The following TFB1M variants were observed in gnomAD, a reference collection of about 807,000 sequenced individuals.
TFB1M encodes the protein dimethyladenosine transferase 1, mitochondrial.
A neutral mutation model predicts 31.1 loss-of-function variants in TFB1M; 27 were observed. The ratio of observed to expected loss-of-function variants is 0.87; its 90% CI spans 0.64 to 1.20. The LOEUF is 1.20. TFB1M is among the 50% of genes most tolerant of loss of function. The pLI, the probability that TFB1M is intolerant of heterozygous loss-of-function variation, is 0.00. For missense variants in TFB1M, 394 were observed against 418.7 expected, an observed-to-expected ratio of 0.94 and a Z score of 0.51; for synonymous variants, 166 against 151.8, an observed-to-expected ratio of 1.09 and a Z score of -0.69.
At chr6:155,266,199 A>T (rs899062962) in intron 5 of TFB1M, among the ~76,000 whole-genome samples, 13 of 152,076 alleles carry the variant, frequency 8.5e-5, no homozygotes, top group Admixed American at 1.3e-4. Flanking sequence ...CATTTTTTTT[A>T]AAATTCAGAA....
chr6:155,252,978 A>G (rs141401040), downstream of TFB1M: 15 of 1,613,804 alleles, frequency 9.3e-6, no homozygotes, highest in Non-Finnish European at 1.3e-5. Context: ...ACACAACTCT[A>G]CTGACTTGGA....
intron 2 of TFB1M, among the ~76,000 whole-genome samples, chr6:155,301,550 A>C (rs2114789871): frequency 6.6e-6 from 1 of 152,342 alleles, no homozygotes; most frequent in East Asian, 1.9e-4. Context: ...TTTTCACAGA[A>C]TGTGCTTAAA....
Position 155,297,105 on chromosome 6 carries a change from C to A in TFB1M, c.395-1G>T. 1 of 1,613,132 alleles carries A rather than the reference C, an allele frequency of 6.2e-7. No homozygotes were observed. The highest frequency in any genetic ancestry group is 1.1e-5 in the South Asian group (1 of 91,060). ...CCAATAATATGTACATTTGGAGGAT[C>A]TGGTGGCAGAGGAAAAAACAACCTG... On this transcript the variant is annotated splice_acceptor_variant, in intron 3 of 6. Transcript: ENST00000367166. LOFTEE classifies it high-confidence loss of function.
At chr6:155,248,149 C>G in the TFB1M span, 1 of 1,614,006 alleles carries the variant, frequency 6.2e-7, no homozygotes, top group South Asian at 1.1e-5. Flanking sequence ...CCTGACGGAC[C>G]AGGAGAGCGA....
At chr6:155,271,357 T>A (rs1452375463) in intron 5 of TFB1M, among the ~76,000 whole-genome samples, 2 of 152,210 alleles carry the variant, frequency 1.3e-5, no homozygotes, top group Non-Finnish European at 2.9e-5. Flanking sequence ...TCTTATCTGA[T>A]GTGTCTCATC....
At chr6:155,294,177 A>G (rs1294759536) in intron 4 of TFB1M, among the ~76,000 whole-genome samples, 12 of 152,188 alleles carry the variant, frequency 7.9e-5, no homozygotes, top group Admixed American at 7.9e-4. Flanking sequence ...AATTGCTTCT[A>G]CTTCACTATA....
At chr6:155,251,650 C>A (rs186209268), downstream of TFB1M, among the ~76,000 whole-genome samples, 11 of 152,292 alleles carry the variant, frequency 7.2e-5, no homozygotes, top group African/African-American at 1.7e-4. Context: ...GTTGGGAGAA[C>A]AAGTGACAGT....
At chr6:155,273,194 T>A (rs957793041) in intron 5 of TFB1M, among the ~76,000 whole-genome samples, 2 of 152,236 alleles carry the variant, frequency 1.3e-5, no homozygotes, top group Admixed American at 1.3e-4. Flanking sequence ...TAACTTTTGT[T>A]CTATTTTGGT....
chr6:155,279,081 A>G (rs199762809), intron 5 of TFB1M, among the ~76,000 whole-genome samples: 1 of 152,188 alleles, frequency 6.6e-6, no homozygotes, highest in East Asian at 1.9e-4. Context: ...TCTGGCAACA[A>G]AGAATTATCT....
At chr6:155,254,563 G>A (rs372348244), downstream of TFB1M, 112 of 1,610,434 alleles carry the variant, frequency 7.0e-5, no homozygotes, top group Non-Finnish European at 8.9e-5. Context: ...TTCCTGTTTC[G>A]GCCAAATTAG....
At chr6:155,250,511 G>A in the TFB1M span, 3 of 1,531,428 alleles carry the variant, frequency 2.0e-6, no homozygotes, top group Non-Finnish European at 1.7e-6. Flanking sequence ...ACTCTGGCCA[G>A]TTTCAATGCT....
At chr6:155,313,065 T>C (rs1055225879) in intron 1 of TFB1M, 3 of 152,050 alleles carry the variant, frequency 2.0e-5, no homozygotes, top group East Asian at 3.9e-4. Flanking sequence ...CTGAGCAACA[T>C]AGTGAAACCC....
At chr6:155,286,823 C>T (rs1434571491) in intron 4 of TFB1M, among the ~76,000 whole-genome samples, 1 of 151,528 alleles carries the variant, frequency 6.6e-6, no homozygotes, top group African/African-American at 2.4e-5. Flanking sequence ...ACAACAATAA[C>T]AACAAAAACT....
chr6:155,298,285 A>T (rs1489274587), intron 3 of TFB1M, among the ~76,000 whole-genome samples, 192 bp downstream of exon 3: 1 of 152,218 alleles, frequency 6.6e-6, no homozygotes, highest in African/African-American at 2.4e-5. Flanking sequence ...AATTAGAACT[A>T]AAAAAAGTAA....
intron 4 of TFB1M, among the ~76,000 whole-genome samples, chr6:155,286,253 A>G (rs1171684849): frequency 2.6e-5 from 4 of 152,136 alleles, no homozygotes; most frequent in Non-Finnish European, 4.4e-5. Flanking sequence ...CAAATTAACA[A>G]TAAGTGAAAA....
chr6:155,310,191 G>C (rs1777955705), intron 2 of TFB1M, among the ~76,000 whole-genome samples: 1 of 152,100 alleles, frequency 6.6e-6, no homozygotes, highest in African/African-American at 2.4e-5. Context: ...CTTTTGTATG[G>C]AAGTAATAAC....
At chr6:155,276,063 G>A (rs1785188979) in intron 5 of TFB1M, 3 of 1,614,086 alleles carry the variant, frequency 1.9e-6, no homozygotes, top group Non-Finnish European at 2.5e-6. Context: ...GAAACCAAGA[G>A]CCATGCTTCC....
chr6:155,290,335 G>A (rs162975), intron 4 of TFB1M, among the ~76,000 whole-genome samples: 2,832 of 146,358 alleles, frequency 0.019, 71 homozygotes, highest in African/African-American at 0.05. Flanking sequence ...GCAGCGAGCC[G>A]AGATGGCACC....
Position 155,314,375 on chromosome 6 carries a change from A to G in TFB1M, c.54T>C (p.Ile18=). The G allele has an allele frequency of 6.2e-7, 1 of 1,614,236 alleles. No homozygotes were observed. Among genetic ancestry groups the G allele is most frequent in the Non-Finnish European group, 8.5e-7 (1 of 1,180,046 alleles). The change falls in exon 1 of 7, where the codon ATT becomes ATC. Residue 18 remains isoleucine (I), a synonymous_variant. Coordinates refer to ENST00000367166, the MANE Select transcript of TFB1M (RefSeq NM_016020.4). ...GTCTTAACAACTTAATGATTTCTCG[A>G]ATCGTGGGCAACGGAGGGAGACGGC... is the stretch of plus-strand genomic sequence containing the variant. ...STCRLPPLPT[I]REIIKLLRLQ...
Sources: gnomAD v4.1 joint callset for allele counts (sites outside exome capture counted in the v4.1 genomes callset) on GRCh38, gnomAD v4.1.1 for gene constraint, MANE v1.5 for transcripts, NCBI Gene and HGNC (gene_info 2026-07-23, HGNC 2026-07-21) for gene names.